The following PUM3 variants were observed in gnomAD, a reference collection of about 807,000 sequenced individuals.
PUM3 encodes the protein pumilio RNA binding family member 3.
Under a neutral mutation model 84.0 loss-of-function variants are expected in PUM3, and 91 were observed. The observed-to-expected ratio is 1.08, with a 90% CI of 0.91 to 1.29. PUM3 has a LOEUF of 1.29. Among genes scored for constraint, PUM3 ranks in the 50% most tolerant of loss-of-function variants. The probability of loss-of-function intolerance (pLI) is 0.00; values close to 1 mark genes in which losing one functional copy is unlikely to be tolerated. For missense variants in PUM3, 1,067 were observed against 767.5 expected, an observed-to-expected ratio of 1.39 and a Z score of -4.61; for synonymous variants, 321 against 266.7, an observed-to-expected ratio of 1.20 and a Z score of -1.98.
At chr9:2,816,884 T>C (rs1056950276) in intron 13 of PUM3, among the ~76,000 whole-genome samples, 2 of 152,264 alleles carry the variant, frequency 1.3e-5, no homozygotes, top group African/African-American at 4.8e-5. Context: ...ATTATCGGGC[T>C]ATGATTTCAA....
At chr9:2,806,132 T>A (rs568446290) in intron 17 of PUM3, among the ~76,000 whole-genome samples, 2 of 152,234 alleles carry the variant, frequency 1.3e-5, no homozygotes, top group African/African-American at 4.8e-5. Flanking sequence ...GGAGTTCTGA[T>A]TGATGAACAA....
rs200897206 is a variant in PUM3, at chr9:2,837,326, A to G, written c.158T>C (p.Phe53Ser). The change falls in exon 3 of 18, where the codon TTT becomes TCT. Residue 53 changes from phenylalanine (F) to serine (S), a missense_variant. Phe to Ser is a radical substitution (Grantham distance 155). Transcript: ENST00000397885. ...EGGPKVTSRN[F>S]EKSITKLGKK... ...CCCAAGTTTTGTGATACTTTTCTCA[A>G]AGTTCCTAGATGTGACTTTAGGTCC... is the stretch of plus-strand genomic sequence containing the variant. 2.0e-4 allele frequency: 328 copies of G among 1,613,928 alleles called. 2 individuals are homozygous for G. The Middle Eastern group carries it at 3.3e-3, about 16-fold the overall frequency.
chr9:2,834,887 T>C (rs1816078743), intron 3 of PUM3, among the ~76,000 whole-genome samples: 1 of 152,042 alleles, frequency 6.6e-6, no homozygotes, highest in South Asian at 2.1e-4. Context: ...ATTGAACTAA[T>C]GATGCCAAAC....
rs772207182 is a variant in PUM3, at chr9:2,827,103, A to G, written c.1005T>C (p.Phe335=). 5.6e-6 allele frequency: 9 copies of G among 1,610,228 alleles called. No homozygotes were observed. Among genetic ancestry groups the G allele is most frequent in the Non-Finnish European group, 7.6e-6 (9 of 1,178,810 alleles). ...HSLVHKVFLD[F]FTYAPPKLRS... is the part of the protein sequence containing the mutation. ...TGAGTTTGGGGGGTGCATAGGTAAA[A>G]AAGTCCAAGAATACTTTATGCACCA... Residue 335 remains phenylalanine, a synonymous_variant, in exon 10 of 18, where the codon TTT becomes TTC. Transcript: ENST00000397885.
At chr9:2,839,509 A>T (rs1816213379) in intron 1 of PUM3, among the ~76,000 whole-genome samples, 1 of 152,234 alleles carries the variant, frequency 6.6e-6, no homozygotes, top group African/African-American at 2.4e-5. Context: ...TTAATTTGCT[A>T]ATATATACAA....
At chr9:2,829,678 G>A in intron 8 of PUM3, 96 bp downstream of exon 8, 2 of 1,055,114 alleles carry the variant, frequency 1.9e-6, no homozygotes, top group South Asian at 1.7e-5. Context: ...ACCAGCCACA[G>A]TAAAAATACA....
chr9:2,812,308 G>A lies in PUM3; in HGVS notation c.1324C>T (p.Leu442=). 1 of 1,601,316 alleles carries A rather than the reference G, an allele frequency of 6.2e-7. No homozygotes were observed. The highest frequency in any genetic ancestry group is 2.2e-5 in the East Asian group (1 of 44,804). The part of the protein sequence containing the change: ...IVNDKYGRKV[L]LYLLSPRDPA... Reference sequence around the variant, plus strand: ...TCTCTGGGGCTTAGTAAGTACAATAGGACCTTCCTTCCATATTTGTCATTT... The same window carrying A: ...TCTCTGGGGCTTAGTAAGTACAATAAGACCTTCCTTCCATATTTGTCATTT... Residue 442 remains leucine (L), a synonymous_variant, in exon 14 of 18, where the codon CTA becomes TTA. Coordinates refer to ENST00000397885, the MANE Select transcript of PUM3 (RefSeq NM_014878.5).
rs748654825 is a variant in PUM3 at position 2,837,429 on chromosome 9, A to T, written c.83-28T>A. 5 of 1,462,098 alleles carry T rather than the reference A, an allele frequency of 3.4e-6. No individual in the cohort carries two copies. In the Admixed American group the frequency reaches 8.9e-5, roughly 26 times the overall value. The allele number at this position is 1,462,098 out of a possible 1,614,324, so 90.6% of individuals were successfully genotyped here. ...AGTGACAATAATAATTATAAGTTCAATGATTCTGGGCCCAAATCTCTTTTA... is the reference window on the plus strand; with the variant it reads ...AGTGACAATAATAATTATAAGTTCATTGATTCTGGGCCCAAATCTCTTTTA... On this transcript the variant is annotated intron_variant, in intron 2 of 17. Coordinates refer to ENST00000397885, the MANE Select transcript of PUM3 (RefSeq NM_014878.5).
At chr9:2,833,965 T>G in intron 4 of PUM3, 66 bp downstream of exon 4, 1 of 1,522,100 alleles carries the variant, frequency 6.6e-7, no homozygotes, top group Non-Finnish European at 8.9e-7. Context: ...TCTCACTATT[T>G]ACAAGGTACA....
At chr9:2,821,661 G>C (rs750711079) in intron 12 of PUM3, among the ~76,000 whole-genome samples, 3 of 152,066 alleles carry the variant, frequency 2.0e-5, no homozygotes, top group Non-Finnish European at 4.4e-5. Context: ...ATGTTGATGA[G>C]AATGTAAAGT....
At chr9:2,824,178 G>A (rs1815744381) in intron 11 of PUM3, among the ~76,000 whole-genome samples, 1 of 152,056 alleles carries the variant, frequency 6.6e-6, no homozygotes, top group Non-Finnish European at 1.5e-5. Context: ...GTACTCATCT[G>A]CATTTGTTGA....
chr9:2,843,556 G>A (rs1816322845), intron 1 of PUM3, among the ~76,000 whole-genome samples: 1 of 151,584 alleles, frequency 6.6e-6, no homozygotes, highest in African/African-American at 2.4e-5. Context: ...TGGGAGAGAG[G>A]TCGGAGTCCC....
chr9:2,804,419 G>C lies in PUM3; in HGVS notation c.1859C>G (p.Ala620Gly), dbSNP rs1369300453. 6.2e-7 allele frequency: 1 copy of C among 1,613,892 alleles called. No homozygotes were observed. The highest frequency in any genetic ancestry group is 8.5e-7 in the Non-Finnish European group (1 of 1,179,908). ...CDLEVANKVKAALKSLIPTLE... is the reference protein window; with the variant it reads ...CDLEVANKVKGALKSLIPTLE... ...TGTAGGAATCAAGCTTTTCAGTGCA[G>C]CTTTGACTTTGTTTGCAACTTCCAG... The change falls in exon 18 of 18, where the codon GCT becomes GGT. Residue 620 changes from alanine to glycine, a missense_variant. Coordinates refer to ENST00000397885, the MANE Select transcript of PUM3 (RefSeq NM_014878.5).
chr9:2,827,088 G>C lies in PUM3; in HGVS notation c.1020C>G (p.Pro340=). ...AAGAACTTACTGATCTGAGTTTGGG[G>C]GGTGCATAGGTAAAAAAGTCCAAGA... ...KVFLDFFTYA[P]PKLRSEMIEA... Residue 340 remains proline (P), a synonymous_variant, in exon 10 of 18, where the codon CCC becomes CCG. Transcript: ENST00000397885. 1 of 1,608,952 alleles carries C rather than the reference G, an allele frequency of 6.2e-7. No homozygotes were observed. Among genetic ancestry groups the C allele is most frequent in the South Asian group, 1.1e-5 (1 of 89,610 alleles).
Position 2,827,120 on chromosome 9 carries a change from T to C in PUM3, c.988A>G (p.Lys330Glu). ...EAVIKHSLVH[K>E]VFLDFFTYAP... ...TAGGTAAAAAAGTCCAAGAATACTT[T>C]ATGCACCAATGAGTGCTTAATCACA... The change falls in exon 10 of 18, where the codon AAA (lysine) becomes GAA (glutamate). Residue 330 changes from lysine to glutamate, a missense_variant. Coordinates refer to ENST00000397885, the MANE Select transcript of PUM3 (RefSeq NM_014878.5). 1 of 1,610,396 alleles carries C rather than the reference T, an allele frequency of 6.2e-7. No individual in the cohort carries two copies. Among genetic ancestry groups the C allele is most frequent in the South Asian group, 1.1e-5 (1 of 89,922 alleles).
intron 3 of PUM3, among the ~76,000 whole-genome samples, chr9:2,835,013 CAAAAAAAAA>C (rs56393910): frequency 1.7e-5 from 2 of 119,988 alleles, no homozygotes; most frequent in Admixed American, 8.3e-5. Context: ...GGGAAAAATG[CAAAAAAAAA>C]AAAAAAGAAA....
intron 9 of PUM3, chr9:2,828,338 G>GCC (rs756105000): frequency 5.2e-5 from 11 of 211,036 alleles, no homozygotes; most frequent in Non-Finnish European, 7.5e-5. Context: ...ACTGTACCTT[G>GCC]CCTACAACCA....
intron 17 of PUM3, among the ~76,000 whole-genome samples, chr9:2,806,007 T>C (rs1452694887): frequency 1.3e-5 from 2 of 152,240 alleles, no homozygotes; most frequent in Non-Finnish European, 2.9e-5. Context: ...TATTGTTATA[T>C]ATAGCTCAAC....
intron 10 of PUM3, among the ~76,000 whole-genome samples, chr9:2,826,459 C>T (rs1282397752): frequency 1.3e-5 from 2 of 150,274 alleles, no homozygotes; most frequent in Non-Finnish European, 1.5e-5. Context: ...TATAGTCTGG[C>T]GTTATTTGTT....
Sources: gnomAD v4.1 joint callset for allele counts (sites outside exome capture counted in the v4.1 genomes callset) on GRCh38, gnomAD v4.1.1 for gene constraint, MANE v1.5 for transcripts, NCBI Gene and HGNC (gene_info 2026-07-23, HGNC 2026-07-21) for gene names.